The following TCEANC2 variants were observed in gnomAD, a reference collection of about 807,000 sequenced individuals.
TCEANC2 encodes the protein transcription elongation factor A N-terminal and central domain-containing protein 2.
In TCEANC2, 20 loss-of-function variants were observed where a neutral mutation model predicts 22.8. The observed-to-expected ratio is 0.88, with a 90% confidence interval of 0.62 to 1.28. The LOEUF is 1.28. TCEANC2 is among the 50% of genes most tolerant of loss of function. The pLI is 0.00. For synonymous variants in TCEANC2, 84 were observed against 95.5 expected (o/e 0.88, Z 0.70); for missense variants, 251 against 249.7 (o/e 1.01, Z -0.03).
chr1:54,070,530 G>C (rs1047583817), intron 3 of TCEANC2, among the ~76,000 whole-genome samples: 15 of 152,104 alleles, frequency 9.9e-5, no homozygotes, highest in African/African-American at 3.6e-4. Flanking sequence ...TTCAATTCAA[G>C]GATCATAATG....
At chr1:54,081,993 C>T (rs1422037313) in intron 3 of TCEANC2, among the ~76,000 whole-genome samples, 1 of 152,164 alleles carries the variant, frequency 6.6e-6, no homozygotes, top group Non-Finnish European at 1.5e-5. Flanking sequence ...TGAAGACTTC[C>T]TGTGTGCCAG....
In TCEANC2 at chr1:54,105,243, T is replaced by G. The variant is rs1485513282; in HGVS notation, c.*8770T>G. On this transcript the variant is annotated 3_prime_UTR_variant, in exon 5 of 5. Transcript: ENST00000234827. Reference sequence around the variant, plus strand: ...TTCCTGGGCCTCTTCCCACAGCTACTGGGAGTGCTCTCAGCCAGCAGCCTT... The same window carrying G: ...TTCCTGGGCCTCTTCCCACAGCTACGGGGAGTGCTCTCAGCCAGCAGCCTT... The G allele has an allele frequency of 1.3e-5, 2 of 152,568 alleles. No homozygotes were observed. Among genetic ancestry groups the G allele is most frequent in the Non-Finnish European group, 2.9e-5 (2 of 68,340 alleles). The allele number at this position is 152,568 out of a possible 1,614,324, so 9.5% of individuals were successfully genotyped here.
chr1:54,080,578 A>G (rs373237961), intron 3 of TCEANC2, among the ~76,000 whole-genome samples: 2 of 152,212 alleles, frequency 1.3e-5, no homozygotes, highest in Non-Finnish European at 2.9e-5. Context: ...TAGGACCCGT[A>G]TAACACCTTT....
chr1:54,092,925 C>G (rs1242488304), intron 4 of TCEANC2, among the ~76,000 whole-genome samples: 1 of 152,170 alleles, frequency 6.6e-6, no homozygotes, highest in Admixed American at 6.5e-5. Flanking sequence ...GATTCTGACT[C>G]TCTGTCTCTG....
At chr1:54,077,861 A>AGG (rs1658170668) in intron 3 of TCEANC2, among the ~76,000 whole-genome samples, 1 of 152,062 alleles carries the variant, frequency 6.6e-6, no homozygotes, top group South Asian at 2.1e-4. Flanking sequence ...CTCCCCTAAC[A>AGG]GGGTGCTTTT....
chr1:54,110,083 G>A (rs1202712534), downstream of TCEANC2, among the ~76,000 whole-genome samples: 1 of 152,218 alleles, frequency 6.6e-6, no homozygotes, highest in African/African-American at 2.4e-5. Flanking sequence ...CCACCAGGTA[G>A]TGAACTCCTG....
chr1:54,091,146 T>TGA (rs1249359261), intron 4 of TCEANC2, among the ~76,000 whole-genome samples: 190 of 134,996 alleles, frequency 1.4e-3, no homozygotes, highest in Non-Finnish European at 2.5e-3. Context: ...CTGTCGTCCT[T>TGA]AGCCAAAAAA....
At chr1:54,066,347 A>C (rs1657955623) in intron 2 of TCEANC2, among the ~76,000 whole-genome samples, 1 of 152,178 alleles carries the variant, frequency 6.6e-6, no homozygotes, top group African/African-American at 2.4e-5. Context: ...ATATGTTCAA[A>C]TATATCAGTA....
chr1:54,095,951 A>G (rs1200564862), intron 4 of TCEANC2, among the ~76,000 whole-genome samples: 1 of 152,164 alleles, frequency 6.6e-6, no homozygotes, highest in African/African-American at 2.4e-5. Context: ...AAAAAAAAAT[A>G]TGAACCGTTA....
intron 3 of TCEANC2, among the ~76,000 whole-genome samples, chr1:54,085,071 A>C (rs921651856): frequency 6.6e-6 from 1 of 152,072 alleles, no homozygotes; most frequent in Admixed American, 6.6e-5. Context: ...GTGTTGATGT[A>C]CTCCTTTCCC....
At position 54,097,069 on chromosome 1, in the gene TCEANC2, G is replaced by A. The variant is rs1570027791; in HGVS notation, c.*596G>A. The A allele has an allele frequency of 4.6e-6, 4 of 861,530 alleles. No individual in the cohort carries two copies. The highest frequency in any genetic ancestry group is 1.2e-4 in the East Asian group (1 of 8,224). 53.4% of individuals were successfully genotyped at this position (861,530 alleles called of 1,614,324 possible). On this transcript the variant is annotated 3_prime_UTR_variant, in exon 5 of 5. Transcript: ENST00000234827. Reference sequence around the variant, plus strand: ...TTGGTCTCCAGAGCCCCCATGCTGAGGCTACTAATGAGGAACTGGCCCGAA... The same window carrying A: ...TTGGTCTCCAGAGCCCCCATGCTGAAGCTACTAATGAGGAACTGGCCCGAA...
In TCEANC2 at chr1:54,054,386, G is replaced by A. The variant is rs763042590; in HGVS notation, c.-37G>A. Reference sequence around the variant, plus strand: ...CTGCCCTCTTTCTTGACCAGAACACGCTGCAAGCACGTCAAGGTAGTCGGA... The same window carrying A: ...CTGCCCTCTTTCTTGACCAGAACACACTGCAAGCACGTCAAGGTAGTCGGA... On this transcript the variant is annotated 5_prime_UTR_variant, in exon 2 of 5. Transcript: ENST00000234827. 6.6e-5 allele frequency: 107 copies of A among 1,612,506 alleles called. No individual in the cohort carries two copies. Among genetic ancestry groups the A allele is most frequent in the Non-Finnish European group, 8.9e-5 (105 of 1,179,466 alleles).
At chr1:54,081,170 T>C (rs1658237276) in intron 3 of TCEANC2, among the ~76,000 whole-genome samples, 1 of 152,196 alleles carries the variant, frequency 6.6e-6, no homozygotes, top group African/African-American at 2.4e-5. Flanking sequence ...ATAGGGTTGT[T>C]CTGAGGATTA....
At chr1:54,085,555 T>C (rs1286906453) in intron 3 of TCEANC2, among the ~76,000 whole-genome samples, 1 of 152,208 alleles carries the variant, frequency 6.6e-6, no homozygotes, top group Admixed American at 6.5e-5. Flanking sequence ...CTTTATAATA[T>C]GTTCTAATAT....
At chr1:54,089,141 G>T (rs1295654795) in intron 4 of TCEANC2, among the ~76,000 whole-genome samples, 3 of 152,150 alleles carry the variant, frequency 2.0e-5, no homozygotes, top group South Asian at 2.1e-4. Context: ...TGGATTGTAA[G>T]TCCTACCACT....
chr1:54,063,284 G>A (rs1339916425), intron 2 of TCEANC2, among the ~76,000 whole-genome samples: 2 of 152,182 alleles, frequency 1.3e-5, no homozygotes, highest in African/African-American at 4.8e-5. Flanking sequence ...GTCCAGGGAA[G>A]CAGATTGTTA....
intron 4 of TCEANC2, among the ~76,000 whole-genome samples, chr1:54,094,257 A>T (rs1271291710): frequency 6.6e-6 from 1 of 151,880 alleles, no homozygotes; most frequent in Non-Finnish European, 1.5e-5. Context: ...CTTGGTCCTT[A>T]TATCTGACAA....
intron 3 of TCEANC2, among the ~76,000 whole-genome samples, chr1:54,073,027 A>C (rs7537946): frequency 2.2e-4 from 34 of 151,886 alleles, no homozygotes; most frequent in African/African-American, 8.0e-4. Context: ...GTGCAGTGGC[A>C]CAGTCACAGC....
At chr1:54,078,877 T>C (rs750044563) in intron 3 of TCEANC2, among the ~76,000 whole-genome samples, 15 of 152,142 alleles carry the variant, frequency 9.9e-5, no homozygotes, top group Non-Finnish European at 1.9e-4. Flanking sequence ...GGGCGGTACA[T>C]GGACATGCAG....
Sources: gnomAD v4.1 joint callset for allele counts (sites outside exome capture counted in the v4.1 genomes callset) on GRCh38, gnomAD v4.1.1 for gene constraint, MANE v1.5 for transcripts, NCBI Gene and HGNC (gene_info 2026-07-23, HGNC 2026-07-21) for gene names.